Variants in FER observed in about 807,000 individuals in gnomAD.
The protein encoded by FER is FER tyrosine kinase, also known as tyrosine-protein kinase Fer.
FER carries 63 observed loss-of-function variants against 111.0 expected under a neutral mutation model. The observed-to-expected ratio is 0.57, with a 90% CI of 0.46 to 0.70. The LOEUF is 0.70. Among genes scored for constraint, FER ranks in the 30% least tolerant of loss-of-function variants. The pLI, the probability that FER is intolerant of heterozygous loss-of-function variation, is 0.00. For missense variants in FER, 914 were observed against 954.0 expected (o/e 0.96, Z 0.55); for synonymous variants, 327 against 313.9 (o/e 1.04, Z -0.44).
intron 5 of FER, among the ~76,000 whole-genome samples, chr5:108,863,434 T>C (rs1372560129): frequency 3.9e-5 from 6 of 152,180 alleles, no homozygotes; most frequent in Non-Finnish European, 8.8e-5. Context: ...CATTGACTTT[T>C]GGGGACTTTT....
At chr5:108,917,165 C>T (rs116624862) in intron 10 of FER, among the ~76,000 whole-genome samples, 2,447 of 152,148 alleles carry the variant, frequency 0.016, 54 homozygotes, top group African/African-American at 0.056. Context: ...TTGATTTTGA[C>T]TTTTTTGCTA....
chr5:108,953,441 T>C (rs971772048), intron 11 of FER, among the ~76,000 whole-genome samples: 8 of 152,054 alleles, frequency 5.3e-5, no homozygotes, highest in African/African-American at 1.9e-4. Flanking sequence ...TAAAATGTTA[T>C]TTAATACAAG....
At chr5:108,801,398 C>T (rs753118989) in intron 3 of FER, among the ~76,000 whole-genome samples, 2 of 152,054 alleles carry the variant, frequency 1.3e-5, no homozygotes, top group Non-Finnish European at 2.9e-5. Context: ...TTATTTGTTC[C>T]TTGATAATAA....
chr5:109,040,647 T>C (rs1435067534), intron 14 of FER, among the ~76,000 whole-genome samples: 2 of 152,112 alleles, frequency 1.3e-5, no homozygotes, highest in Non-Finnish European at 2.9e-5. Context: ...ATGTAATTCT[T>C]TGAAGTTTTG....
At chr5:108,834,154 G>C (rs1275202177) in intron 4 of FER, among the ~76,000 whole-genome samples, 4 of 151,968 alleles carry the variant, frequency 2.6e-5, no homozygotes, top group Non-Finnish European at 5.9e-5. Flanking sequence ...TCTTCATATT[G>C]GGTTTTTCTG....
At chr5:108,986,630 A>G (rs1762607115) in intron 13 of FER, among the ~76,000 whole-genome samples, 1 of 152,142 alleles carries the variant, frequency 6.6e-6, no homozygotes, top group African/African-American at 2.4e-5. Flanking sequence ...GTATAAGGTG[A>G]GAAATGAGGA....
At chr5:109,179,838 C>T (rs753125292) in intron 17 of FER, among the ~76,000 whole-genome samples, 1 of 151,996 alleles carries the variant, frequency 6.6e-6, no homozygotes, top group Non-Finnish European at 1.5e-5. Flanking sequence ...GAGGGGGGGT[C>T]CTGGAACCAA....
intron 10 of FER, among the ~76,000 whole-genome samples, chr5:108,905,925 GA>G: frequency 6.6e-6 from 1 of 152,270 alleles, no homozygotes; most frequent in Middle Eastern, 3.4e-3. Context: ...CTAACAGGGT[GA>G]AAAAATCTGG....
At chr5:109,046,238 A>C (rs965996924) in intron 15 of FER, among the ~76,000 whole-genome samples, 2 of 152,188 alleles carry the variant, frequency 1.3e-5, no homozygotes, top group Non-Finnish European at 2.9e-5. Context: ...CTGATCAAGA[A>C]AGTATTTAAC....
At chr5:108,795,285 A>G (rs1208545548) in intron 2 of FER, among the ~76,000 whole-genome samples, 2 of 152,204 alleles carry the variant, frequency 1.3e-5, no homozygotes, top group Admixed American at 6.5e-5. Flanking sequence ...TGATTGTGCC[A>G]CTGTACTCTA....
chr5:108,946,826 G>T (rs1038631984), intron 11 of FER, among the ~76,000 whole-genome samples: 20 of 151,616 alleles, frequency 1.3e-4, no homozygotes, highest in African/African-American at 4.4e-4. Context: ...TGGAGAAGGA[G>T]TTTTTTTTCC....
chr5:108,937,683 A>G (rs1755660828), intron 10 of FER, among the ~76,000 whole-genome samples: 1 of 151,894 alleles, frequency 6.6e-6, no homozygotes, highest in Non-Finnish European at 1.5e-5. Context: ...TCATGTAGGC[A>G]TACATGGTCA....
intron 10 of FER, among the ~76,000 whole-genome samples, chr5:108,931,148 T>C (rs181882998): frequency 6.6e-6 from 1 of 152,296 alleles, no homozygotes; most frequent in Non-Finnish European, 1.5e-5. Flanking sequence ...AAGATTAAAA[T>C]GGGCGATGGT....
intron 5 of FER, among the ~76,000 whole-genome samples, chr5:108,850,309 A>T (rs1380770359): frequency 6.6e-6 from 1 of 151,482 alleles, no homozygotes; most frequent in Non-Finnish European, 1.5e-5. Context: ...ATACTTTTCC[A>T]TGTGTTTATT....
chr5:108,954,879 C>G lies in FER; in HGVS notation c.1480C>G (p.Leu494Val). The G allele has an allele frequency of 6.2e-7, 1 of 1,611,116 alleles. No homozygotes were observed. Among genetic ancestry groups the G allele is most frequent in the Non-Finnish European group, 8.5e-7 (1 of 1,178,866 alleles). The change falls in exon 12 of 20, where the codon CTT becomes GTT. Residue 494 changes from leucine to valine, a missense_variant. By Grantham distance (32) the Leu-to-Val change is conservative. Coordinates refer to ENST00000281092, the MANE Select transcript of FER (RefSeq NM_005246.4). ...TCATGGGAAACCTGGTGAATATGTC[C>G]TTTCTGTATATTCTGATGGACAGAG... The part of the protein sequence containing the change: ...ESHGKPGEYV[L>V]SVYSDGQRRH...
chr5:108,761,416 G>A (rs1217953759), intron 1 of FER, among the ~76,000 whole-genome samples: 1 of 152,154 alleles, frequency 6.6e-6, no homozygotes, highest in Non-Finnish European at 1.5e-5. Context: ...AGTAGAGAAT[G>A]GCTGGTCAGT....
rs560014684 is a variant in FER, at chr5:108,873,309, AT to A, written c.923+1102del. ...AGGCATGTGCCACCATGCCTGGCTA[AT>A]TTTTGTGTTTTTTTTGTAGAGATGG... On this transcript the variant is annotated intron_variant, in intron 8 of 19. Coordinates refer to ENST00000281092, the MANE Select transcript of FER (RefSeq NM_005246.4). Among the ~76,000 whole-genome samples the A allele has an allele frequency of 5.0e-3, 756 of 151,826 alleles. 8 individuals are homozygous for A. Among genetic ancestry groups the A allele is most frequent in the African/African-American group, 0.017 (695 of 41,396 alleles).
At chr5:108,968,353 C>G (rs745363039) in intron 13 of FER, among the ~76,000 whole-genome samples, 18 of 152,000 alleles carry the variant, frequency 1.2e-4, no homozygotes, top group Non-Finnish European at 2.5e-4. Flanking sequence ...TGCCACTGCC[C>G]TCTAGCCTGG....
chr5:108,959,910 A>G (rs929362975), intron 13 of FER, among the ~76,000 whole-genome samples: 19 of 152,132 alleles, frequency 1.2e-4, no homozygotes, highest in African/African-American at 4.3e-4. Flanking sequence ...CATGTGCTTT[A>G]CAAGATTTGT....
Sources: gnomAD v4.1 joint callset for allele counts (sites outside exome capture counted in the v4.1 genomes callset) on GRCh38, gnomAD v4.1.1 for gene constraint, MANE v1.5 for transcripts, NCBI Gene and HGNC (gene_info 2026-07-23, HGNC 2026-07-21) for gene names.